ABCC1: variants seen among roughly 807,000 people sequenced by gnomAD.
The protein encoded by ABCC1 is multidrug resistance-associated protein 1.
A neutral mutation model predicts 172.9 loss-of-function variants in ABCC1; 83 were observed. The observed-to-expected ratio is 0.48, with a 90% confidence interval of 0.40 to 0.58. The LOEUF is 0.58. Ranked by LOEUF, ABCC1 falls within the 20% of genes least tolerant of loss-of-function variation. The probability of loss-of-function intolerance (pLI) is 0.00; values close to 1 mark genes in which losing one functional copy is unlikely to be tolerated. For synonymous variants in ABCC1, 937 were observed against 825.2 expected, an observed-to-expected ratio of 1.14 and a Z score of -2.32; for missense variants, 1,817 against 2,002.7, an observed-to-expected ratio of 0.91 and a Z score of 1.77.
intron 1 of ABCC1, among the ~76,000 whole-genome samples, chr16:15,987,949 C>CT (rs1310375657): frequency 6.6e-6 from 1 of 152,114 alleles, no homozygotes; most frequent in African/African-American, 2.4e-5. Flanking sequence ...TTCCTTCCAT[C>CT]CTGTATTTGT....
rs757982103 is a variant in ABCC1, at chr16:16,048,318, C to G, written c.1380+15C>G. Reference sequence around the variant, plus strand: ...TCCTGTGGCTGGTGTGTGTTTAACGCCGTTTCCCTTTGCATGCAGGGAGGG... The same window carrying G: ...TCCTGTGGCTGGTGTGTGTTTAACGGCGTTTCCCTTTGCATGCAGGGAGGG... On this transcript the variant is annotated intron_variant, in intron 10 of 30. Transcript: ENST00000399410. 21 of 1,613,130 alleles carry G rather than the reference C, an allele frequency of 1.3e-5. 1 individual carries two copies. The South Asian group carries it at 2.3e-4, about 18-fold the overall frequency.
intron 21 of ABCC1, 38 bp downstream of exon 21, chr16:16,106,911 T>C: frequency 1.2e-6 from 2 of 1,612,266 alleles, no homozygotes; most frequent in Non-Finnish European, 1.7e-6. Context: ...GTGGCTGGAG[T>C]TTATAGAGCG....
Position 16,083,353 on chromosome 16 carries a change from A to AT in ABCC1, c.2116-10dup. On this transcript the variant is annotated splice_polypyrimidine_tract_variant and intron_variant, in intron 16 of 30. Transcript: ENST00000399410. ...GTGTGTCTGTCTCACCTCGTTCTCC[A>AT]TTTGCAACTTAGGGCTCCGTGGCCT... is the stretch of plus-strand genomic sequence containing the variant. 1 of 1,611,616 alleles carries AT rather than the reference A, an allele frequency of 6.2e-7. No homozygotes were observed. Among genetic ancestry groups the AT allele is most frequent in the Non-Finnish European group, 8.5e-7 (1 of 1,178,806 alleles).
chr16:16,103,727 A>G (rs1220773204), intron 20 of ABCC1, among the ~76,000 whole-genome samples: 3 of 152,188 alleles, frequency 2.0e-5, no homozygotes, highest in African/African-American at 7.2e-5. Flanking sequence ...GTCAGGAGAG[A>G]GCAAAGACCA....
intron 1 of ABCC1, among the ~76,000 whole-genome samples, chr16:15,951,378 G>GT (rs1173327145): frequency 6.6e-6 from 1 of 152,044 alleles, no homozygotes; most frequent in Non-Finnish European, 1.5e-5. Flanking sequence ...ACGAAGTCCA[G>GT]TTGTAATATT....
intron 5 of ABCC1, among the ~76,000 whole-genome samples, chr16:16,020,771 G>T (rs537431435): frequency 2.7e-4 from 41 of 152,218 alleles, no homozygotes; most frequent in African/African-American, 7.9e-4. Flanking sequence ...AGATGCTTGC[G>T]GTGTACTGGC....
At chr16:16,087,057 C>G in intron 18 of ABCC1, 66 bp downstream of exon 18, 1 of 1,554,694 alleles carries the variant, frequency 6.4e-7, no homozygotes, top group Non-Finnish European at 8.8e-7. Context: ...CAGAACGTGT[C>G]CCCTTTAGGA....
At chr16:16,051,232 C>T (rs533519899) in intron 10 of ABCC1, among the ~76,000 whole-genome samples, 15 of 151,348 alleles carry the variant, frequency 9.9e-5, no homozygotes, top group African/African-American at 2.9e-4. Context: ...TGCAGTGGTG[C>T]GATCATAGCT....
intron 3 of ABCC1, among the ~76,000 whole-genome samples, chr16:16,011,819 G>A (rs1190423241): frequency 2.6e-5 from 4 of 151,950 alleles, no homozygotes; most frequent in South Asian, 2.1e-4. Context: ...ACAGGCATGC[G>A]CCACCACGCC....
At chr16:16,074,460 G>A (rs1477791208) in intron 14 of ABCC1, among the ~76,000 whole-genome samples, 3 of 152,126 alleles carry the variant, frequency 2.0e-5, no homozygotes, top group South Asian at 4.2e-4. Context: ...GGTGGCCGGC[G>A]GTGGGTGGGG....
At chr16:15,956,535 C>T (rs886308468) in intron 1 of ABCC1, among the ~76,000 whole-genome samples, 2 of 151,950 alleles carry the variant, frequency 1.3e-5, no homozygotes, top group African/African-American at 4.8e-5. Context: ...GGGGAGCTTG[C>T]TGTGTTGCCG....
intron 20 of ABCC1, 131 bp downstream of exon 20, chr16:16,102,848 C>T (rs2051831548): frequency 8.8e-6 from 7 of 797,818 alleles, no homozygotes; most frequent in South Asian, 5.4e-5. Context: ...CCTCCCAAAT[C>T]CTCCAAGGAC....
At chr16:16,115,950 TG>T (rs1251856958) in intron 23 of ABCC1, among the ~76,000 whole-genome samples, 2 of 151,952 alleles carry the variant, frequency 1.3e-5, no homozygotes, top group African/African-American at 4.8e-5. Context: ...TCGCCCAGGC[TG>T]GAGTGCAGTG....
intron 19 of ABCC1, among the ~76,000 whole-genome samples, chr16:16,095,410 C>T (rs745959685): frequency 3.9e-5 from 6 of 152,232 alleles, no homozygotes; most frequent in Non-Finnish European, 8.8e-5. Context: ...TGTTTGGAGA[C>T]ATGTTGGGAT....
chr16:16,074,555 G>GC (rs2050479977), intron 14 of ABCC1, among the ~76,000 whole-genome samples: 1 of 152,278 alleles, frequency 6.6e-6, no homozygotes, highest in African/African-American at 2.4e-5. Flanking sequence ...CCGCACCCCA[G>GC]CCCCTCCTTC....
intron 22 of ABCC1, among the ~76,000 whole-genome samples, chr16:16,111,986 A>G (rs2052407723): frequency 6.6e-6 from 1 of 152,160 alleles, no homozygotes; most frequent in Non-Finnish European, 1.5e-5. Context: ...GTAATTCCCA[A>G]TTATGGGCAG....
chr16:16,069,743 G>A (rs35611), intron 13 of ABCC1, among the ~76,000 whole-genome samples: 121,803 of 151,742 alleles, frequency 0.8, 49,007 homozygotes, highest in Non-Finnish European at 0.83. Flanking sequence ...GAAAAAAAAA[G>A]CCAAGCATGA....
At chr16:16,114,486 G>A (rs373542436) in intron 22 of ABCC1, among the ~76,000 whole-genome samples, 11 of 151,922 alleles carry the variant, frequency 7.2e-5, no homozygotes, top group East Asian at 1.9e-4. Flanking sequence ...GATTACAGGC[G>A]CCAACCACCA....
In ABCC1 at chr16:16,102,640, C is replaced by T. The variant is rs199739108; in HGVS notation, c.2658C>T (p.Val886=). Reference sequence around the variant, plus strand: ...CTCTTCTGCCAGGGGTCACGGGCGTCAGCGGTCCAGGGAAGGAAGCAAAGC... The same window carrying T: ...CTCTTCTGCCAGGGGTCACGGGCGTTAGCGGTCCAGGGAAGGAAGCAAAGC... ...QDAEENGVTG[V]SGPGKEAKQM... Residue 886 remains valine, a synonymous_variant, in exon 20 of 31, where the codon GTC becomes GTT. Coordinates refer to ENST00000399410, the MANE Select transcript of ABCC1 (RefSeq NM_004996.4). 1,304 of 1,584,110 alleles carry T rather than the reference C, an allele frequency of 8.2e-4. 11 individuals carry two copies. Among genetic ancestry groups the T allele is most frequent in the Middle Eastern group, 1.7e-4 (1 of 6,026 alleles).
Sources: allele counts gnomAD v4.1 joint callset (sites outside exome capture counted in the v4.1 genomes callset), GRCh38; gene constraint gnomAD v4.1.1; transcripts MANE v1.5; gene names NCBI Gene and HGNC (gene_info 2026-07-23, HGNC 2026-07-21).